MARVELD3: variants seen among roughly 807,000 people sequenced by gnomAD.
The protein encoded by MARVELD3 is MARVEL domain-containing protein 3.
MARVELD3 carries 28 observed loss-of-function variants against 33.5 expected under a neutral mutation model. That is an observed-to-expected ratio of 0.84 (90% CI 0.62 to 1.15). MARVELD3 has a LOEUF of 1.15. MARVELD3 is among the 50% of genes most tolerant of loss of function. The pLI, the probability that MARVELD3 is intolerant of heterozygous loss-of-function variation, is 0.00. For missense variants in MARVELD3, 582 were observed against 547.6 expected, an observed-to-expected ratio of 1.06 and a Z score of -0.63; for synonymous variants, 241 against 230.4, an observed-to-expected ratio of 1.05 and a Z score of -0.42.
intron 1 of MARVELD3, among the ~76,000 whole-genome samples, chr16:71,628,730 T>G (rs73576275): frequency 2.2e-3 from 334 of 152,122 alleles, no homozygotes; most frequent in African/African-American, 7.1e-3. Context: ...CTGTGCATGC[T>G]AAAAGTTTGA....
At chr16:71,632,298 C>G (rs913840272) in intron 2 of MARVELD3, among the ~76,000 whole-genome samples, 2 of 152,108 alleles carry the variant, frequency 1.3e-5, no homozygotes, top group Non-Finnish European at 2.9e-5. Context: ...TTTGTCAAAA[C>G]GCATCAAGCT....
rs1366350085 is a variant in MARVELD3 at position 71,626,594 on chromosome 16, T to G, written c.365T>G (p.Leu122Arg). The change falls in exon 1 of 3, where the codon CTG (leucine) becomes CGG (arginine). Residue 122 changes from leucine to arginine, a missense_variant. Coordinates refer to ENST00000268485, the MANE Select transcript of MARVELD3 (RefSeq NM_052858.6). This position sits in a 1 kb window ranked among gnomAD's most constrained non-coding sequence, Gnocchi z 5.3. Reference protein sequence around the residue: ...QSRTRDGARGLTWDAAAPPGP... With the variant: ...QSRTRDGARGRTWDAAAPPGP... ...CGGACGCGGGACGGAGCCCGGGGAC[T>G]GACCTGGGACGCAGCCGCGCCTCCT... The G allele has an allele frequency of 6.5e-7, 1 of 1,543,682 alleles. No individual in the cohort carries two copies. The highest frequency in any genetic ancestry group is 8.7e-7 in the Non-Finnish European group (1 of 1,146,376).
downstream of MARVELD3, among the ~76,000 whole-genome samples, chr16:71,639,693 C>T (rs1291708590): frequency 2.6e-5 from 4 of 151,614 alleles, no homozygotes; most frequent in African/African-American, 9.7e-5. Flanking sequence ...GTGATCTGCC[C>T]GCCTCAGCCT....
Position 71,636,347 on chromosome 16 carries a change from T to G in MARVELD3, c.*1544T>G, listed in dbSNP as rs1567606320. ...TGCTTGTATATGATTGGAAAATTTCTTGAAGAATAACATCAGAAAGTATTA... is the reference window on the plus strand; with the variant it reads ...TGCTTGTATATGATTGGAAAATTTCGTGAAGAATAACATCAGAAAGTATTA... On this transcript the variant is annotated 3_prime_UTR_variant, in exon 3 of 3. Transcript: ENST00000268485. 5.3e-6 allele frequency: 1 copy of G among 190,116 alleles called. No homozygotes were observed. Among genetic ancestry groups the G allele is most frequent in the Non-Finnish European group, 9.7e-6 (1 of 102,652 alleles). 11.8% of individuals were successfully genotyped at this position (190,116 alleles called of 1,614,324 possible).
At chr16:71,633,361 AAAG>A (rs2044550595) in intron 2 of MARVELD3, among the ~76,000 whole-genome samples, 1 of 152,132 alleles carries the variant, frequency 6.6e-6, no homozygotes, top group Admixed American at 6.6e-5. Context: ...TTGTCTCAAA[AAAG>A]AAGAGACAAC....
Position 71,634,910 on chromosome 16 carries a change from A to C in MARVELD3, c.*107A>C, listed in dbSNP as rs904611920. The C allele has an allele frequency of 2.5e-5, 37 of 1,484,784 alleles. No homozygotes were observed. The African/African-American group carries it at 3.0e-4, about 12-fold the overall frequency. 92.0% of individuals were successfully genotyped at this position (1,484,784 alleles called of 1,614,324 possible). A position where few individuals can be genotyped will look rare whatever the true frequency, so the allele number is the denominator to read the frequency against. On this transcript the variant is annotated 3_prime_UTR_variant, in exon 3 of 3. Coordinates refer to ENST00000268485, the MANE Select transcript of MARVELD3 (RefSeq NM_052858.6). ...TGGAAGTTTCCAGTGCTGGAAAAGCAGCGAGCCAGCGTTGGTGTGGTGGGC... is the reference window on the plus strand; with the variant it reads ...TGGAAGTTTCCAGTGCTGGAAAAGCCGCGAGCCAGCGTTGGTGTGGTGGGC...
At chr16:71,633,834 G>A (rs2044555959) in intron 2 of MARVELD3, among the ~76,000 whole-genome samples, 1 of 152,012 alleles carries the variant, frequency 6.6e-6, no homozygotes, top group Non-Finnish European at 1.5e-5. Flanking sequence ...ACCTCGCCCG[G>A]CCTTGTTTCA....
chr16:71,640,867 G>C (rs2044613524), downstream of MARVELD3: 1 of 1,614,196 alleles, frequency 6.2e-7, no homozygotes, highest in East Asian at 2.2e-5. Flanking sequence ...GGCACCGACG[G>C]AGCAGCAGCC....
At chr16:71,640,281 G>C, downstream of MARVELD3, 1 of 1,101,992 alleles carries the variant, frequency 9.1e-7, no homozygotes. Flanking sequence ...AAAAAAAAAA[G>C]TTGACATTGA....
chr16:71,638,491 C>CT, downstream of MARVELD3: 1 of 152,504 alleles, frequency 6.6e-6, no homozygotes, highest in Non-Finnish European at 1.5e-5. Context: ...TTTAAATGTG[C>CT]TTTTTATTTG....
At chr16:71,638,402 G>GA (rs1035469026), downstream of MARVELD3, 5 of 152,484 alleles carry the variant, frequency 3.3e-5, no homozygotes, top group Non-Finnish European at 1.5e-5. Flanking sequence ...TACAGTAAAT[G>GA]AAAAAATCAA....
chr16:71,626,484 G>A lies in MARVELD3; in HGVS notation c.255G>A (p.Pro85=), dbSNP rs1165778338. The change falls in exon 1 of 3, where the codon CCG becomes CCA. Residue 85 remains proline, a synonymous_variant. Coordinates refer to ENST00000268485, the MANE Select transcript of MARVELD3 (RefSeq NM_052858.6). The surrounding 1 kb of genome is among the most constrained non-coding windows in gnomAD (Gnocchi z 5.3). The stretch of plus-strand genomic sequence containing the variant: ...GGGAGAGAGAGAGGGAAAGAGACCC[G>A]GACCGAGGCCCCCGCCGGGACACAC... ...RERERERERD[P]DRGPRRDTHR... 6.5e-7 allele frequency: 1 copy of A among 1,549,664 alleles called. No homozygotes were observed.
In MARVELD3 at chr16:71,636,348, T is replaced by C. The variant is rs1475687238; in HGVS notation, c.*1545T>C. 10 of 188,506 alleles carry C rather than the reference T, an allele frequency of 5.3e-5. No homozygotes were observed. The Admixed American group carries it at 6.5e-4, about 12-fold the overall frequency. 11.7% of individuals were successfully genotyped at this position (188,506 alleles called of 1,614,324 possible). On this transcript the variant is annotated 3_prime_UTR_variant, in exon 3 of 3. Transcript: ENST00000268485. ...GCTTGTATATGATTGGAAAATTTCTTGAAGAATAACATCAGAAAGTATTAA... is the reference window on the plus strand; with the variant it reads ...GCTTGTATATGATTGGAAAATTTCTCGAAGAATAACATCAGAAAGTATTAA...
intron 2 of MARVELD3, 102 bp from the exon 3 acceptor site, chr16:71,634,091 C>T: frequency 6.6e-7 from 1 of 1,509,308 alleles, no homozygotes; most frequent in Non-Finnish European, 8.8e-7. Context: ...GGGCCAGAAG[C>T]CTTCAGGGGT....
rs1439520240 is a variant in MARVELD3 at position 71,635,052 on chromosome 16, C to A, written c.*249C>A. The A allele has an allele frequency of 1.7e-6, 2 of 1,168,582 alleles. No homozygotes were observed. Among genetic ancestry groups the A allele is most frequent in the African/African-American group, 1.6e-5 (1 of 63,732 alleles). 72.4% of individuals were successfully genotyped at this position (1,168,582 alleles called of 1,614,324 possible). A position where few individuals can be genotyped will look rare whatever the true frequency, so the allele number is the denominator to read the frequency against. ...TTTCAAAAAGCAAAAAAATGGCCGG[C>A]CTCGGCGGCTCACACCTGTAACCCC... On this transcript the variant is annotated 3_prime_UTR_variant, in exon 3 of 3. Transcript: ENST00000268485.
chr16:71,631,082 C>T (rs2044528112), intron 2 of MARVELD3, among the ~76,000 whole-genome samples: 1 of 152,154 alleles, frequency 6.6e-6, no homozygotes, highest in African/African-American at 2.4e-5. Flanking sequence ...GAGCTCATAC[C>T]TGAAAATGTA....
At chr16:71,627,746 T>C (rs2044488945) in intron 1 of MARVELD3, among the ~76,000 whole-genome samples, 1 of 118,486 alleles carries the variant, frequency 8.4e-6, no homozygotes, top group African/African-American at 3.3e-5. Flanking sequence ...GTTCAGGGTG[T>C]ACTGGAAGAC....
In MARVELD3 at chr16:71,635,355, G is replaced by C. The variant is rs533652832; in HGVS notation, c.*552G>C. ...AAAAAAAAAAAAAGCAAAAAAACTG[G>C]ACCCCAAGAGCCACAAGGAAAAAGC... On this transcript the variant is annotated 3_prime_UTR_variant, in exon 3 of 3. Coordinates refer to ENST00000268485, the MANE Select transcript of MARVELD3 (RefSeq NM_052858.6). 1.0e-6 allele frequency: 1 copy of C among 984,806 alleles called. No individual in the cohort carries two copies. The highest frequency in any genetic ancestry group is 1.1e-4 in the East Asian group (1 of 8,772). 61.0% of individuals were successfully genotyped at this position (984,806 alleles called of 1,614,324 possible). A position where few individuals can be genotyped will look rare whatever the true frequency, so the allele number is the denominator to read the frequency against.
chr16:71,640,342 C>T (rs1396179395), downstream of MARVELD3: 1 of 1,592,204 alleles, frequency 6.3e-7, no homozygotes, highest in East Asian at 2.2e-5. Flanking sequence ...TCTGGCTTGG[C>T]CTGGGTGAGT....
Sources: allele counts gnomAD v4.1 joint callset (sites outside exome capture counted in the v4.1 genomes callset), GRCh38; gene constraint gnomAD v4.1.1; non-coding constraint Gnocchi (gnomAD v3.1); transcripts MANE v1.5; gene names NCBI Gene and HGNC (gene_info 2026-07-23, HGNC 2026-07-21).